KCNAB2: variants seen among roughly 807,000 people sequenced by gnomAD.
KCNAB2 encodes the protein voltage-gated potassium channel subunit beta-2.
A neutral mutation model predicts 63.6 loss-of-function variants in KCNAB2; 29 were observed. The observed-to-expected ratio is 0.46, with a 90% CI of 0.34 to 0.62. The LOEUF (loss-of-function observed/expected upper bound fraction) is 0.62, where lower values mean the gene tolerates loss of function less well. KCNAB2 is among the 20% of genes least tolerant of loss of function. The pLI is 0.01. For synonymous variants in KCNAB2, 222 were observed against 224.2 expected (o/e 0.99, Z 0.09); for missense variants, 359 against 563.9 (o/e 0.64, Z 3.68).
chr1:6,091,925 G>A (rs1359573219), intron 10 of KCNAB2, among the ~76,000 whole-genome samples: 1 of 152,184 alleles, frequency 6.6e-6, no homozygotes, highest in Non-Finnish European at 1.5e-5. Flanking sequence ...CACAGGAGCC[G>A]GCAGCCTTCT....
chr1:6,045,385 T>A (rs1288929257), upstream of KCNAB2, among the ~76,000 whole-genome samples: 1 of 152,164 alleles, frequency 6.6e-6, no homozygotes, highest in Non-Finnish European at 1.5e-5. This position sits in a 1 kb window ranked among gnomAD's most constrained non-coding sequence, Gnocchi z 4.8. Context: ...ATCCCAGAGC[T>A]CAGCCTTGTT....
intron 2 of KCNAB2, among the ~76,000 whole-genome samples, chr1:6,062,295 C>T (rs943035279): frequency 3.0e-5 from 4 of 133,194 alleles, no homozygotes; most frequent in African/African-American, 1.1e-4. Context: ...GCCTGGGCAA[C>T]AAGAAAAAAA....
At chr1:6,018,053 C>A (rs1658615835) in intron 1 of KCNAB2, among the ~76,000 whole-genome samples, 1 of 152,216 alleles carries the variant, frequency 6.6e-6, no homozygotes, top group Non-Finnish European at 1.5e-5. Context: ...GTTGGTACTA[C>A]AGGCACACAC....
Position 6,087,362 on chromosome 1 carries a change from G to T in KCNAB2, c.426-105G>T, listed in dbSNP as rs147176335. ...TTTCATGCCCCAGGCTCCTGGGTGG[G>T]AGGGCTTTCAGGACCTCTGTGTGAG... On this transcript the variant is annotated intron_variant, in intron 6 of 15. Transcript: ENST00000378083. The surrounding 1 kb of genome is among the most constrained non-coding windows in gnomAD (Gnocchi z 6.4). The T allele has an allele frequency of 8.0e-7, 1 of 1,243,730 alleles. No individual in the cohort carries two copies. The highest frequency in any genetic ancestry group is 1.5e-5 in the African/African-American group (1 of 67,660). 77.0% of individuals were successfully genotyped at this position (1,243,730 alleles called of 1,614,324 possible). A position where few individuals can be genotyped will look rare whatever the true frequency, so the allele number is the denominator to read the frequency against.
intron 5 of KCNAB2, among the ~76,000 whole-genome samples, chr1:6,082,711 C>T (rs988195615): frequency 6.6e-6 from 1 of 152,200 alleles, no homozygotes; most frequent in Admixed American, 6.5e-5. Flanking sequence ...CTTTCCTGCT[C>T]AATTATGTAA....
intron 2 of KCNAB2, among the ~76,000 whole-genome samples, chr1:6,061,416 A>G (rs1390925667): frequency 6.6e-6 from 1 of 152,178 alleles, no homozygotes; most frequent in Admixed American, 6.5e-5. Context: ...GTGTCCCCAC[A>G]CATGAATGTT....
chr1:5,998,012 A>T (rs1479356853), intron 1 of KCNAB2, among the ~76,000 whole-genome samples: 1 of 152,234 alleles, frequency 6.6e-6, no homozygotes, highest in Non-Finnish European at 1.5e-5. Flanking sequence ...CCCTGCTGAT[A>T]GGGAAGGAGA....
At chr1:6,007,538 C>T (rs996204745) in intron 1 of KCNAB2, 2 of 152,622 alleles carry the variant, frequency 1.3e-5, no homozygotes, top group Non-Finnish European at 2.9e-5. Flanking sequence ...TCCTCTGCGC[C>T]CCGCGCCGTG....
intron 10 of KCNAB2, among the ~76,000 whole-genome samples, chr1:6,092,395 G>T (rs535678783): frequency 4.6e-5 from 7 of 152,256 alleles, no homozygotes; most frequent in Non-Finnish European, 8.8e-5. Flanking sequence ...GCATGGAAGG[G>T]GCGCCGCAGG....
chr1:6,100,216 G>A lies in KCNAB2; in HGVS notation c.*1642G>A. ...AGAAAGGCCAGCGGGGAGAGGCTGG[G>A]GCGAGGGGAGGAGGGGGATCAGCTT... On this transcript the variant is annotated 3_prime_UTR_variant, in exon 16 of 16. Transcript: ENST00000378083. The A allele has an allele frequency of 2.2e-6, 2 of 891,586 alleles. No individual in the cohort carries two copies. Among genetic ancestry groups the A allele is most frequent in the Non-Finnish European group, 1.6e-6 (1 of 634,046 alleles). 55.2% of individuals were successfully genotyped at this position (891,586 alleles called of 1,614,324 possible).
At position 6,046,870 on chromosome 1, in the gene KCNAB2, C is replaced by T. The variant is rs181258614; in HGVS notation, c.-27+687C>T. Among the ~76,000 whole-genome samples, 602 of 152,284 alleles carry T rather than the reference C, an allele frequency of 4.0e-3. 3 individuals carry two copies. Among genetic ancestry groups the T allele is most frequent in the African/African-American group, 0.014 (571 of 41,540 alleles). ...CTTTGTTGGCTTTCAGTAAACAGAACAATTCAGAAATTCCAGGTAGAGGAG... is the reference window on the plus strand; with the variant it reads ...CTTTGTTGGCTTTCAGTAAACAGAATAATTCAGAAATTCCAGGTAGAGGAG... On this transcript the variant is annotated intron_variant, in intron 1 of 15. Transcript: ENST00000378083.
At chr1:6,046,561 T>C (rs1335392448) in intron 1 of KCNAB2, among the ~76,000 whole-genome samples, 1 of 152,248 alleles carries the variant, frequency 6.6e-6, no homozygotes, top group Non-Finnish European at 1.5e-5. Flanking sequence ...CCCAGAGCGC[T>C]GTCAGGGAGG....
chr1:6,057,848 C>G (rs1044466712), intron 2 of KCNAB2, among the ~76,000 whole-genome samples: 2 of 152,060 alleles, frequency 1.3e-5, no homozygotes, highest in African/African-American at 4.8e-5. Context: ...ATCTCTCTCT[C>G]CTTATAAGAA....
rs539369502 is a variant in KCNAB2 at position 6,013,897 on chromosome 1, A to G, written c.-53+21109A>G. On this transcript the variant is annotated intron_variant, in intron 1 of 16. Transcript: ENST00000341524. ...CGAGGAGGCCTTTGGCTGTTCCCGTATTTGTCTCTGGACTTCTCTGCTGGC... is the reference window on the plus strand; with the variant it reads ...CGAGGAGGCCTTTGGCTGTTCCCGTGTTTGTCTCTGGACTTCTCTGCTGGC... 8.5e-5 allele frequency among the ~76,000 whole-genome samples: 13 copies of G among 152,110 alleles called. No individual in the cohort carries two copies. The South Asian group carries it at 2.7e-3, about 32-fold the overall frequency.
chr1:6,093,385 C>T (rs747508460), intron 10 of KCNAB2, among the ~76,000 whole-genome samples: 12 of 152,246 alleles, frequency 7.9e-5, no homozygotes, highest in South Asian at 2.1e-4. Context: ...GAAATTTCGA[C>T]GCCAAGTTCT....
chr1:6,019,275 G>C (rs533501992), intron 1 of KCNAB2, among the ~76,000 whole-genome samples: 1 of 152,278 alleles, frequency 6.6e-6, no homozygotes, highest in Non-Finnish European at 1.5e-5. Flanking sequence ...CTGGGCAACA[G>C]AGTAAGTTCC....
At position 6,071,908 on chromosome 1, in the gene KCNAB2, G is replaced by A. The variant is rs1199806794; in HGVS notation, c.219-847G>A. On this transcript the variant is annotated intron_variant, in intron 2 of 15. Coordinates refer to ENST00000378083, the MANE Select transcript of KCNAB2 (RefSeq NM_001199862.2). The surrounding 1 kb of genome is among the most constrained non-coding windows in gnomAD (Gnocchi z 8.5). Reference sequence around the variant, plus strand: ...GCGTAGGGCTCCTCCTGCCGCGTAGGGCTCCCGGGAGGATCCGGGGACAGG... The same window carrying A: ...GCGTAGGGCTCCTCCTGCCGCGTAGAGCTCCCGGGAGGATCCGGGGACAGG... Among the ~76,000 whole-genome samples, 1 of 152,154 alleles carries A rather than the reference G, an allele frequency of 6.6e-6. No homozygotes were observed. Among genetic ancestry groups the A allele is most frequent in the Non-Finnish European group, 1.5e-5 (1 of 67,970 alleles).
intron 1 of KCNAB2, among the ~76,000 whole-genome samples, chr1:6,016,242 AGACCACCCT>A (rs751698319): frequency 8.1e-4 from 124 of 152,274 alleles, no homozygotes; most frequent in Admixed American, 1.4e-3. Context: ...AGGGTCCCCC[AGACCACCCT>A]GCTGGGCCAC....
At chr1:6,061,686 A>C (rs571996770) in intron 2 of KCNAB2, among the ~76,000 whole-genome samples, 14 of 152,362 alleles carry the variant, frequency 9.2e-5, no homozygotes, top group African/African-American at 3.4e-4. Context: ...GATACAGAGT[A>C]ATCATCTCTG....
Sources: gnomAD v4.1 joint callset for allele counts (sites outside exome capture counted in the v4.1 genomes callset) on GRCh38, gnomAD v4.1.1 for gene constraint, Gnocchi (gnomAD v3.1) non-coding constraint, MANE v1.5 for transcripts, NCBI Gene and HGNC (gene_info 2026-07-23, HGNC 2026-07-21) for gene names.